The following GNAL variants were observed in gnomAD, a reference collection of about 807,000 sequenced individuals.
GNAL encodes G protein subunit alpha L.
Under a neutral mutation model 55.1 loss-of-function variants are expected in GNAL, and 18 were observed. The observed-to-expected ratio is 0.33, with a 90% confidence interval of 0.23 to 0.48. GNAL has a LOEUF of 0.48. Ranked by LOEUF, GNAL falls within the 20% of genes least tolerant of loss-of-function variation. GNAL has a pLI of 0.99. For missense variants in GNAL, 412 were observed against 614.1 expected (o/e 0.67, Z 3.48); for synonymous variants, 253 against 237.0 (o/e 1.07, Z -0.62).
At chr18:11,879,000 A>G (rs58913646) in intron 11 of GNAL, among the ~76,000 whole-genome samples, 4,673 of 151,654 alleles carry the variant, frequency 0.031, 266 homozygotes, top group African/African-American at 0.11. Flanking sequence ...AGATACACCT[A>G]ATGTAAATGA....
chr18:11,879,102 TAATAA>T (rs34286324), intron 11 of GNAL, among the ~76,000 whole-genome samples: 113,234 of 148,402 alleles, frequency 0.76, 43,630 homozygotes, highest in Middle Eastern at 0.82. Context: ...ACTTACAGTA[TAATAA>T]AATATATATA....
At chr18:11,849,283 A>G (rs1033636356) in intron 5 of GNAL, among the ~76,000 whole-genome samples, 3 of 152,206 alleles carry the variant, frequency 2.0e-5, no homozygotes, top group South Asian at 2.1e-4. Context: ...GGGCAGATCA[A>G]CTGAGGTCAG....
chr18:11,837,738 A>T (rs1391077695), intron 5 of GNAL, among the ~76,000 whole-genome samples: 4 of 152,222 alleles, frequency 2.6e-5, no homozygotes, highest in African/African-American at 9.6e-5. Flanking sequence ...CAGTTGCCAT[A>T]TGGCCCACCA....
intron 5 of GNAL, chr18:11,852,161 C>T (rs747854571): frequency 4.0e-6 from 6 of 1,509,274 alleles, no homozygotes; most frequent in Non-Finnish European, 4.4e-6. Flanking sequence ...CTTTGAAATG[C>T]TCTCTGTGTG....
At position 11,865,097 on chromosome 18, in the gene GNAL, G is replaced by A. The variant is rs556142269; in HGVS notation, c.851+491G>A. On this transcript the variant is annotated intron_variant, in intron 7 of 11. Transcript: ENST00000334049. ...CTAGTCCTGCTCCATCACTTCCCCC[G>A]CCCCTAGACTCTCTCGGCACAGCCC... 2.6e-3 allele frequency among the ~76,000 whole-genome samples: 356 copies of A among 139,578 alleles called. 42 individuals are homozygous for A. The highest frequency in any genetic ancestry group is 0.011 in the African/African-American group (339 of 29,764). 91.6% of individuals were successfully genotyped at this position (139,578 alleles called of 152,430 possible).
chr18:11,695,042 C>G lies in GNAL; in HGVS notation c.376+5103C>G, dbSNP rs558208902. 7.2e-4 allele frequency among the ~76,000 whole-genome samples: 109 copies of G among 152,104 alleles called. No homozygotes were observed. In the Middle Eastern group the frequency reaches 0.017, roughly 24 times the overall value. Reference sequence around the variant, plus strand: ...TACTTAAGGGCCCTATGTCCAAATACAGTCATGTGGGGGGTTAGGGCTTCA... The same window carrying G: ...TACTTAAGGGCCCTATGTCCAAATAGAGTCATGTGGGGGGTTAGGGCTTCA... On this transcript the variant is annotated intron_variant, in intron 1 of 11. Transcript: ENST00000334049.
chr18:11,871,508 C>G (rs1040470267), intron 9 of GNAL, among the ~76,000 whole-genome samples: 2 of 152,180 alleles, frequency 1.3e-5, no homozygotes, highest in African/African-American at 4.8e-5. Context: ...CTCTGCCCCA[C>G]AAAGTGCTGG....
chr18:11,843,548 G>T (rs937135643), intron 5 of GNAL, among the ~76,000 whole-genome samples: 2 of 149,690 alleles, frequency 1.3e-5, no homozygotes, highest in Non-Finnish European at 1.5e-5. Flanking sequence ...TAGATAAGAA[G>T]AAAAGAAAAA....
intron 1 of GNAL, among the ~76,000 whole-genome samples, chr18:11,699,558 A>AGG (rs61005238): frequency 1.2e-4 from 18 of 145,296 alleles, no homozygotes; most frequent in African/African-American, 3.0e-4. Flanking sequence ...TTTTTTTTTG[A>AGG]GGGGGGGGGT....
At chr18:11,862,597 G>A (rs550777655) in intron 6 of GNAL, 148 bp downstream of exon 6, 7 of 649,374 alleles carry the variant, frequency 1.1e-5, no homozygotes, top group East Asian at 2.8e-5. Context: ...GTGTGTGTGC[G>A]TGGATTGGTC....
intron 4 of GNAL, among the ~76,000 whole-genome samples, chr18:11,792,580 G>A (rs372154666): frequency 6.6e-6 from 1 of 152,182 alleles, no homozygotes; most frequent in Non-Finnish European, 1.5e-5. Flanking sequence ...TGGCCATCTC[G>A]CCTTGTCCTA....
chr18:11,874,828 C>T (rs112374416), intron 10 of GNAL, among the ~76,000 whole-genome samples: 5,588 of 146,916 alleles, frequency 0.038, 408 homozygotes, highest in African/African-American at 0.14. Flanking sequence ...CTGGATGCTG[C>T]ACCCACCCAC....
intron 5 of GNAL, chr18:11,852,218 G>A: frequency 2.2e-6 from 3 of 1,354,982 alleles, no homozygotes; most frequent in South Asian, 3.1e-5. Context: ...CCAGAATGCT[G>A]AAATGCCCTT....
chr18:11,763,910 G>A (rs1355559629), intron 4 of GNAL, among the ~76,000 whole-genome samples: 1 of 152,064 alleles, frequency 6.6e-6, no homozygotes, highest in Admixed American at 6.6e-5. Flanking sequence ...CACACTCAGA[G>A]TTCCTTTGAG....
rs114786605 is a variant in GNAL, at chr18:11,729,396, C to T, written c.377-23457C>T. Among the ~76,000 whole-genome samples the T allele has an allele frequency of 5.0e-3, 755 of 152,194 alleles. 8 individuals are homozygous for T. Among genetic ancestry groups the T allele is most frequent in the African/African-American group, 0.017 (711 of 41,524 alleles). On this transcript the variant is annotated intron_variant, in intron 1 of 11. Transcript: ENST00000334049. ...CTGCTCACCAATTCCAGAGCTTCCC[C>T]GGCTTCCTCTGCCCTTGGAATCCCT...
chr18:11,851,245 C>T (rs555092000), intron 5 of GNAL, among the ~76,000 whole-genome samples: 5 of 152,354 alleles, frequency 3.3e-5, no homozygotes, highest in African/African-American at 9.6e-5. Context: ...GAGCGTTCCC[C>T]GCCGCAGCGC....
At chr18:11,855,173 C>CA (rs1480037720) in intron 5 of GNAL, among the ~76,000 whole-genome samples, 1 of 152,200 alleles carries the variant, frequency 6.6e-6, no homozygotes, top group African/African-American at 2.4e-5. Flanking sequence ...TCCTGACCCT[C>CA]AAGTGATCCG....
chr18:11,786,307 C>T (rs774081983), intron 4 of GNAL, among the ~76,000 whole-genome samples: 1 of 151,990 alleles, frequency 6.6e-6, no homozygotes, highest in Non-Finnish European at 1.5e-5. Flanking sequence ...TTTTCCTGTG[C>T]CTTTGAGCAC....
In GNAL at chr18:11,774,665, A is replaced by G. The variant is rs146914883; in HGVS notation, c.624+20720A>G. Among the ~76,000 whole-genome samples, 321 of 152,302 alleles carry G rather than the reference A, an allele frequency of 2.1e-3. 3 individuals carry two copies. Among genetic ancestry groups the G allele is most frequent in the African/African-American group, 7.0e-3 (291 of 41,566 alleles). The stretch of plus-strand genomic sequence containing the variant: ...CTTGCCCCGAGTCATAGAGCTGGGT[A>G]GAGAATGGTTCAGAATTTGAGCCCA... On this transcript the variant is annotated intron_variant, in intron 4 of 11. Coordinates refer to ENST00000334049, the MANE Select transcript of GNAL (RefSeq NM_182978.4).
Sources: gnomAD v4.1 joint callset for allele counts (sites outside exome capture counted in the v4.1 genomes callset) on GRCh38, gnomAD v4.1.1 for gene constraint, MANE v1.5 for transcripts, NCBI Gene and HGNC (gene_info 2026-07-23, HGNC 2026-07-21) for gene names.